Variants in NRTN observed in about 807,000 individuals in gnomAD.
The protein encoded by NRTN is neurturin, also known as prepro-neurturin.
Under a neutral mutation model 7.5 loss-of-function variants are expected in NRTN, and 3 were observed. The ratio of observed to expected loss-of-function variants is 0.40; its 90% CI spans 0.18 to 1.03. NRTN has a LOEUF of 1.03. Ranked by LOEUF, NRTN falls within the 50% of genes least tolerant of loss-of-function variation. The probability of loss-of-function intolerance (pLI) is 0.34; values close to 1 mark genes in which losing one functional copy is unlikely to be tolerated. For missense variants in NRTN, 310 were observed against 307.0 expected (o/e 1.01, Z -0.07); for synonymous variants, 157 against 146.6 (o/e 1.07, Z -0.51).
intron 1 of NRTN, among the ~76,000 whole-genome samples, chr19:5,810,994 T>C (rs2056988969): frequency 6.6e-6 from 1 of 151,636 alleles, no homozygotes. Context: ...CCCAGCTCTT[T>C]GGGAGTCTGA....
chr19:5,817,620 GA>G (rs375127949), intron 1 of NRTN, among the ~76,000 whole-genome samples: 9 of 100,258 alleles, frequency 9.0e-5, no homozygotes, highest in Admixed American at 4.0e-4. Flanking sequence ...GAGAGAGAAA[GA>G]AAAAGAAGAA....
chr19:5,823,049 A>G (rs1017743396), intron 1 of NRTN, among the ~76,000 whole-genome samples: 8 of 142,772 alleles, frequency 5.6e-5, no homozygotes, highest in Admixed American at 4.4e-4. Flanking sequence ...GAGAGAGAGA[A>G]AGAAAGAAAG....
Position 5,806,878 on chromosome 19 carries a change from CG to C in NRTN, c.-399+1430del. ...AGAAGGGACTCAAAAAGTTTGCAGC[CG>C]GGCACAACACAATCAAAAGATTGTT... On this transcript the variant is annotated intron_variant, in intron 1 of 2. Coordinates refer to ENST00000303212, the MANE Select transcript of NRTN (RefSeq NM_004558.5). The surrounding 1 kb of genome is among the most constrained non-coding windows in gnomAD (Gnocchi z 5.4). 6.6e-6 allele frequency among the ~76,000 whole-genome samples: 1 copy of C among 152,230 alleles called. No homozygotes were observed. The highest frequency in any genetic ancestry group is 1.9e-4 in the East Asian group (1 of 5,178).
chr19:5,812,394 C>T (rs945772469), intron 1 of NRTN, among the ~76,000 whole-genome samples: 3 of 152,176 alleles, frequency 2.0e-5, no homozygotes, highest in Non-Finnish European at 4.4e-5. Context: ...AGCTTCTGTG[C>T]TGGGGGAAGA....
chr19:5,818,184 G>A (rs569506618), intron 1 of NRTN, among the ~76,000 whole-genome samples: 115 of 152,074 alleles, frequency 7.6e-4, no homozygotes, highest in African/African-American at 2.6e-3. Flanking sequence ...GGTTGGTCTC[G>A]AACTCCTGAC....
chr19:5,819,124 C>A (rs1308295416), intron 1 of NRTN, among the ~76,000 whole-genome samples: 6 of 152,226 alleles, frequency 3.9e-5, no homozygotes, highest in Admixed American at 3.3e-4. Context: ...GGGTAGGTTT[C>A]CTGCCTGTCT....
intron 1 of NRTN, among the ~76,000 whole-genome samples, chr19:5,820,736 AAG>A (rs577503979): frequency 0.18 from 10,403 of 57,676 alleles, 1,645 homozygotes; most frequent in Non-Finnish European, 0.23. Context: ...ACTCTGTCTC[AAG>A]AAAAAAAAAA....
rs576812544 is a variant in NRTN, at chr19:5,815,454, C to T, written c.-398-8314C>T. Among the ~76,000 whole-genome samples the T allele has an allele frequency of 1.0e-4, 13 of 129,616 alleles. 2 individuals are homozygous for T. In the South Asian group the frequency reaches 3.1e-3, roughly 31 times the overall value. 85.0% of individuals were successfully genotyped at this position (129,616 alleles called of 152,430 possible). A position where few individuals can be genotyped will look rare whatever the true frequency, so the allele number is the denominator to read the frequency against. On this transcript the variant is annotated intron_variant, in intron 1 of 2. Transcript: ENST00000303212. Reference sequence around the variant, plus strand: ...TTTTTTTTTTTTTTTTTTTTGGAGACGAAGTCTCGGTCTGTCACCCAGGCT... The same window carrying T: ...TTTTTTTTTTTTTTTTTTTTGGAGATGAAGTCTCGGTCTGTCACCCAGGCT...
chr19:5,809,187 T>C (rs1470847046), intron 1 of NRTN, among the ~76,000 whole-genome samples: 5 of 151,428 alleles, frequency 3.3e-5, no homozygotes, highest in African/African-American at 1.2e-4. Context: ...TTTTTTTTTT[T>C]TCTGAGACGG....
chr19:5,816,488 C>T (rs1194931404), intron 1 of NRTN, among the ~76,000 whole-genome samples: 3 of 152,130 alleles, frequency 2.0e-5, no homozygotes, highest in African/African-American at 4.8e-5. Context: ...AAGCGATTCT[C>T]CTGCTTCAGC....
intron 1 of NRTN, among the ~76,000 whole-genome samples, chr19:5,813,398 G>A (rs1013155145): frequency 8.0e-5 from 12 of 150,730 alleles, no homozygotes; most frequent in Middle Eastern, 7.0e-3. Context: ...TTGGCCAGGC[G>A]CGGTGGCTCA....
chr19:5,812,798 AG>A (rs1209083560), intron 1 of NRTN, among the ~76,000 whole-genome samples: 3 of 152,168 alleles, frequency 2.0e-5, no homozygotes, highest in Admixed American at 1.3e-4. Context: ...GGGAACTCCT[AG>A]GGGCGATCTA....
intron 1 of NRTN, among the ~76,000 whole-genome samples, chr19:5,815,544 G>A (rs561020270): frequency 6.9e-6 from 1 of 144,968 alleles, no homozygotes; most frequent in Admixed American, 7.1e-5. Context: ...CAATTCTCCT[G>A]CCTTACTCAC....
chr19:5,816,325 T>G (rs1022516571), intron 1 of NRTN, among the ~76,000 whole-genome samples: 1 of 152,222 alleles, frequency 6.6e-6, no homozygotes, highest in Non-Finnish European at 1.5e-5. Flanking sequence ...TCCATCTGTC[T>G]TTGTCCTTCA....
intron 2 of NRTN, 77 bp downstream of exon 2, chr19:5,824,411 T>TG (rs552271819): frequency 1.0e-5 from 11 of 1,073,752 alleles, no homozygotes; most frequent in African/African-American, 7.4e-5. Context: ...TGGGAGGTGG[T>TG]GGGGGGGTGT....
chr19:5,819,738 C>G (rs1278881548), intron 1 of NRTN, among the ~76,000 whole-genome samples: 3 of 151,816 alleles, frequency 2.0e-5, no homozygotes, highest in African/African-American at 7.3e-5. Context: ...GTCCCAGTTA[C>G]TTGGGAGGCT....
At chr19:5,823,606 G>A (rs2057033893) in intron 1 of NRTN, among the ~76,000 whole-genome samples, 162 bp from the exon 2 acceptor site, 1 of 152,174 alleles carries the variant, frequency 6.6e-6, no homozygotes. Context: ...GGCTCAGAGA[G>A]GGGCAGAGTC....
At chr19:5,813,220 A>T (rs74422372) in intron 1 of NRTN, among the ~76,000 whole-genome samples, 17,996 of 150,898 alleles carry the variant, frequency 0.12, 1,616 homozygotes, top group East Asian at 0.42. Flanking sequence ...ATTAAAAAAA[A>T]TTTTTTTTAA....
intron 1 of NRTN, among the ~76,000 whole-genome samples, chr19:5,815,408 A>T (rs1044769971): frequency 3.3e-5 from 5 of 149,554 alleles, no homozygotes; most frequent in Non-Finnish European, 5.9e-5. Context: ...GTGTGAAAGC[A>T]CTCAAGTGTG....
Sources: allele counts gnomAD v4.1 joint callset (sites outside exome capture counted in the v4.1 genomes callset), GRCh38; gene constraint gnomAD v4.1.1; non-coding constraint Gnocchi (gnomAD v3.1); transcripts MANE v1.5; gene names NCBI Gene and HGNC (gene_info 2026-07-23, HGNC 2026-07-21).